TESK2: variants seen among roughly 807,000 people sequenced by gnomAD.
TESK2 encodes testis associated actin remodelling kinase 2.
Under a neutral mutation model 57.1 loss-of-function variants are expected in TESK2, and 39 were observed. That is an observed-to-expected ratio of 0.68 (90% CI 0.53 to 0.89). The LOEUF (loss-of-function observed/expected upper bound fraction) is 0.89. Among genes scored for constraint, TESK2 ranks in the 40% least tolerant of loss-of-function variants. TESK2 has a pLI of 0.00. For synonymous variants in TESK2, 249 were observed against 267.9 expected, an observed-to-expected ratio of 0.93 and a Z score of 0.69; for missense variants, 646 against 732.1, an observed-to-expected ratio of 0.88 and a Z score of 1.36.
intron 3 of TESK2, chr1:45,415,079 C>T (rs781230): frequency 0.73 from 1,008,356 of 1,382,868 alleles, 371,793 homozygotes; most frequent in South Asian, 0.76. Flanking sequence ...CCTTGGGCCA[C>T]GTCTCCTTCG....
intron 1 of TESK2, among the ~76,000 whole-genome samples, chr1:45,460,002 G>A (rs980500614): frequency 5.9e-5 from 9 of 152,014 alleles, no homozygotes; most frequent in Non-Finnish European, 1.3e-4. Flanking sequence ...ATAACTAGGA[G>A]CTAAATCTTG....
intron 2 of TESK2, among the ~76,000 whole-genome samples, chr1:45,429,883 A>T (rs1650878703): frequency 1.3e-5 from 2 of 152,200 alleles, no homozygotes; most frequent in Admixed American, 1.3e-4. Context: ...CCTTTGCATT[A>T]TAAGAACTTT....
intron 4 of TESK2, among the ~76,000 whole-genome samples, chr1:45,371,079 C>CAAA: frequency 7.5e-6 from 1 of 133,482 alleles, no homozygotes; most frequent in African/African-American, 2.7e-5. Context: ...TAGCTACTAT[C>CAAA]AAAAAAAAAA....
intron 3 of TESK2, among the ~76,000 whole-genome samples, chr1:45,412,909 A>G (rs1220882041): frequency 2.0e-5 from 3 of 151,936 alleles, no homozygotes; most frequent in African/African-American, 7.3e-5. Flanking sequence ...AGTCCCAGCT[A>G]CTCAGGAGGC....
chr1:45,437,441 G>T (rs1041948320), intron 2 of TESK2, among the ~76,000 whole-genome samples: 3 of 152,120 alleles, frequency 2.0e-5, no homozygotes, highest in African/African-American at 7.2e-5. Flanking sequence ...AGATCTAAAA[G>T]ATTTTGGTGG....
intron 3 of TESK2, among the ~76,000 whole-genome samples, chr1:45,396,389 C>G (rs529150610): frequency 6.6e-6 from 1 of 152,044 alleles, no homozygotes; most frequent in African/African-American, 2.4e-5. Context: ...AGCTACTGCG[C>G]CCAGCCTTCA....
intron 2 of TESK2, among the ~76,000 whole-genome samples, chr1:45,440,466 C>A (rs1421913622): frequency 6.6e-6 from 1 of 152,064 alleles, no homozygotes; most frequent in Non-Finnish European, 1.5e-5. Flanking sequence ...GTAATCCCAG[C>A]ACTTTGGGAG....
intron 3 of TESK2, among the ~76,000 whole-genome samples, chr1:45,409,371 T>A (rs548447715): frequency 6.6e-6 from 1 of 152,298 alleles, no homozygotes; most frequent in South Asian, 2.1e-4. Flanking sequence ...GAAAAAAGCT[T>A]AATGTGTCTG....
At chr1:45,406,439 A>T (rs979285737) in intron 3 of TESK2, among the ~76,000 whole-genome samples, 1 of 152,106 alleles carries the variant, frequency 6.6e-6, no homozygotes, top group Non-Finnish European at 1.5e-5. Context: ...TGAGGCCAGG[A>T]GTTAGAGACC....
At chr1:45,466,403 A>T (rs1351288147) in intron 1 of TESK2, among the ~76,000 whole-genome samples, 2 of 151,658 alleles carry the variant, frequency 1.3e-5, no homozygotes, top group Admixed American at 6.6e-5. Context: ...TGAACCCAGG[A>T]GGCAGAGGTT....
intron 2 of TESK2, among the ~76,000 whole-genome samples, chr1:45,450,767 C>CTT (rs143079900): frequency 1.5e-4 from 22 of 150,690 alleles, no homozygotes; most frequent in African/African-American, 4.6e-4. Flanking sequence ...ATTTCTTTTT[C>CTT]TTTTTTTTTA....
At chr1:45,462,474 G>A (rs180698120) in intron 1 of TESK2, among the ~76,000 whole-genome samples, 1 of 152,028 alleles carries the variant, frequency 6.6e-6, no homozygotes, top group South Asian at 2.1e-4. Context: ...AGGTTTCACC[G>A]TGTTAGCCAG....
intron 1 of TESK2, among the ~76,000 whole-genome samples, chr1:45,482,126 C>T (rs1357129764): frequency 6.6e-6 from 1 of 152,192 alleles, no homozygotes; most frequent in Non-Finnish European, 1.5e-5. Context: ...GCATATTTTT[C>T]ATCATGCTTA....
intron 4 of TESK2, among the ~76,000 whole-genome samples, chr1:45,363,264 T>G (rs560872771): frequency 6.6e-6 from 1 of 152,326 alleles, no homozygotes; most frequent in African/African-American, 2.4e-5. Flanking sequence ...TAACTTATCA[T>G]TCTCACGCCT....
intron 3 of TESK2, among the ~76,000 whole-genome samples, chr1:45,411,818 C>G (rs914436853): frequency 3.3e-5 from 5 of 152,180 alleles, no homozygotes; most frequent in Non-Finnish European, 5.9e-5. Flanking sequence ...TGCAATGCCA[C>G]GATCTCAGGG....
rs1647599210 is a variant in TESK2 at position 45,359,775 on chromosome 1, A to T, written c.394-4326T>A. 2.0e-5 allele frequency among the ~76,000 whole-genome samples: 3 copies of T among 152,070 alleles called. No homozygotes were observed. The South Asian group carries it at 6.2e-4, about 32-fold the overall frequency. ...GCTACTTGGGAGGCTGAGGCACGAG[A>T]ATCACTTGAACCTTGGAGGCAGAGG... On this transcript the variant is annotated intron_variant, in intron 4 of 10. Coordinates refer to ENST00000372086, the MANE Select transcript of TESK2 (RefSeq NM_007170.3).
intron 1 of TESK2, among the ~76,000 whole-genome samples, chr1:45,481,458 C>T (rs982164796): frequency 1.3e-5 from 2 of 152,020 alleles, no homozygotes; most frequent in Non-Finnish European, 2.9e-5. Context: ...CAGGACTATA[C>T]AATTGACCCT....
At position 45,489,179 on chromosome 1, in the gene TESK2, G is replaced by A. The variant is rs576267844; in HGVS notation, c.-87+1673C>T. Among the ~76,000 whole-genome samples, 85 of 150,320 alleles carry A rather than the reference G, an allele frequency of 5.7e-4. 1 individual carries two copies. Among genetic ancestry groups the A allele is most frequent in the Non-Finnish European group, 9.4e-4 (64 of 67,794 alleles). ...CTTAACTCTCATTCAGCTGGACCTC[G>A]AAAGCACGTGACATTGATAGTCACC... On this transcript the variant is annotated intron_variant, in intron 1 of 10. Coordinates refer to ENST00000372086, the MANE Select transcript of TESK2 (RefSeq NM_007170.3).
intron 3 of TESK2, among the ~76,000 whole-genome samples, chr1:45,401,025 TAAA>T (rs376070354): frequency 4.0e-5 from 5 of 124,178 alleles, no homozygotes; most frequent in South Asian, 2.7e-4. Flanking sequence ...GACTCTGTCT[TAAA>T]AAAAAAAAAA....
Sources: gnomAD v4.1 joint callset for allele counts (sites outside exome capture counted in the v4.1 genomes callset) on GRCh38, gnomAD v4.1.1 for gene constraint, MANE v1.5 for transcripts, NCBI Gene and HGNC (gene_info 2026-07-23, HGNC 2026-07-21) for gene names.